The following MAP9 variants were observed in gnomAD, a reference collection of about 807,000 sequenced individuals.
The protein encoded by MAP9 is microtubule associated protein 9, also known as microtubule-associated protein 9.
In MAP9, 80 loss-of-function variants were observed where a neutral mutation model predicts 75.2. The ratio of observed to expected loss-of-function variants is 1.06; its 90% CI spans 0.89 to 1.28. The LOEUF (loss-of-function observed/expected upper bound fraction) is 1.28. MAP9 is among the 50% of genes most tolerant of loss of function. The probability of loss-of-function intolerance (pLI) is 0.00; values close to 1 mark genes in which losing one functional copy is unlikely to be tolerated. For synonymous variants in MAP9, 235 were observed against 237.3 expected, an observed-to-expected ratio of 0.99 and a Z score of 0.09; for missense variants, 753 against 719.9, an observed-to-expected ratio of 1.05 and a Z score of -0.53.
chr4:155,353,439 T>C, intron 10 of MAP9, 99 bp from the exon 11 acceptor site: 2 of 960,220 alleles, frequency 2.1e-6, no homozygotes, highest in Non-Finnish European at 2.6e-6. Flanking sequence ...CATTTATCTT[T>C]AGTCCTCTGA....
chr4:155,360,027 C>T (rs1731996751), intron 7 of MAP9, 141 bp downstream of exon 7: 1 of 746,500 alleles, frequency 1.3e-6, no homozygotes, highest in South Asian at 2.1e-5. Flanking sequence ...AAGTAAGAAC[C>T]ATGTGACAAT....
At chr4:155,374,062 CG>C (rs1375223425) in intron 3 of MAP9, among the ~76,000 whole-genome samples, 28 of 152,162 alleles carry the variant, frequency 1.8e-4, no homozygotes, top group Admixed American at 1.5e-3. Flanking sequence ...AACACCAGGC[CG>C]GGTGCGGTGG....
In MAP9 at chr4:155,356,127, C is replaced by T. The variant is rs550994147; in HGVS notation, c.1122-243G>A. On this transcript the variant is annotated intron_variant, in intron 8 of 13. Coordinates refer to ENST00000311277, the MANE Select transcript of MAP9 (RefSeq NM_001039580.2). Reference sequence around the variant, plus strand: ...ACCAAAAATACAAAAAATTAGCTGGCGTGGTGGCACATGCCTGTAGTCATA... The same window carrying T: ...ACCAAAAATACAAAAAATTAGCTGGTGTGGTGGCACATGCCTGTAGTCATA... Among the ~76,000 whole-genome samples, 7 of 152,040 alleles carry T rather than the reference C, an allele frequency of 4.6e-5. No individual in the cohort carries two copies. The South Asian group carries it at 8.3e-4, about 18-fold the overall frequency.
intron 2 of MAP9, among the ~76,000 whole-genome samples, chr4:155,375,299 G>C (rs1410911975): frequency 6.6e-6 from 1 of 152,146 alleles, no homozygotes; most frequent in Non-Finnish European, 1.5e-5. Context: ...GTTATAATTA[G>C]AGCTGGAGGG....
Position 155,353,045 on chromosome 4 carries a change from A to AT in MAP9, c.1554dup (p.Trp519MetfsTer10). 6.5e-7 allele frequency: 1 copy of AT among 1,530,128 alleles called. No homozygotes were observed. The highest frequency in any genetic ancestry group is 1.3e-5 in the South Asian group (1 of 77,700). The allele number at this position is 1,530,128 out of a possible 1,614,324, so 94.8% of individuals were successfully genotyped here. On this transcript the variant is annotated frameshift_variant, in exon 12 of 14. Transcript: ENST00000311277. LOFTEE classifies it high-confidence loss of function. ...AGATATTCCATCTTTTTCTCTTTCC[A>AT]TTTTTCAAAAGCCTGAAAAAGTTCA...
At chr4:155,352,574 T>C (rs775340324) in intron 13 of MAP9, 22 bp downstream of exon 13, 4 of 1,567,768 alleles carry the variant, frequency 2.6e-6, no homozygotes, top group Non-Finnish European at 3.5e-6. Context: ...AAGACGAAAG[T>C]GCATTGACAA....
chr4:155,357,362 A>T, intron 8 of MAP9, 87 bp downstream of exon 8: 2 of 875,648 alleles, frequency 2.3e-6, no homozygotes, highest in Non-Finnish European at 3.8e-6. Context: ...AGTAACACCA[A>T]ATGAAATTTA....
chr4:155,355,080 T>C lies in MAP9; in HGVS notation c.1371A>G (p.Gln457=), dbSNP rs1484026529. 1 of 1,384,492 alleles carries C rather than the reference T, an allele frequency of 7.2e-7. No homozygotes were observed. The highest frequency in any genetic ancestry group is 1.4e-5 in the South Asian group (1 of 73,652). The allele number at this position is 1,384,492 out of a possible 1,614,324, so 85.8% of individuals were successfully genotyped here. Residue 457 remains glutamine, a synonymous_variant, in exon 10 of 14, where the codon CAA becomes CAG. Transcript: ENST00000311277. ...KRIESENLRI[Q]NEQKKAAKRE... is the part of the protein sequence containing the mutation. ...CTATATGTCAGAATACCTGTTCATT[T>C]TGGATCCTTAAGTTTTCACTTTCAA...
chr4:155,347,557 T>C lies in MAP9; in HGVS notation c.*226A>G, dbSNP rs974934955. On this transcript the variant is annotated 3_prime_UTR_variant, in exon 14 of 14. Transcript: ENST00000311277. ...CATGATAAAATCTTATGTATCTTAA[T>C]GGTAAAAACAATCTGATTATTAGGT... 5.0e-6 allele frequency: 2 copies of C among 398,474 alleles called. No individual in the cohort carries two copies. Among genetic ancestry groups the C allele is most frequent in the Non-Finnish European group, 8.9e-6 (2 of 225,350 alleles). The allele number at this position is 398,474 out of a possible 1,614,324, so 24.7% of individuals were successfully genotyped here. A position where few individuals can be genotyped will look rare whatever the true frequency, so the allele number is the denominator to read the frequency against.
intron 5 of MAP9, chr4:155,363,346 A>G (rs1461059710): frequency 6.6e-6 from 1 of 152,164 alleles, no homozygotes; most frequent in African/African-American, 2.4e-5. Flanking sequence ...AATATCATTC[A>G]GAACACCCGG....
chr4:155,358,720 A>G lies in MAP9; in HGVS notation c.1051-1201T>C, dbSNP rs113695913. Among the ~76,000 whole-genome samples, 194 of 152,214 alleles carry G rather than the reference A, an allele frequency of 1.3e-3. 2 individuals carry two copies. Among genetic ancestry groups the G allele is most frequent in the African/African-American group, 4.5e-3 (189 of 41,560 alleles). ...TAATAATAATGTTCCCCTCAACAAC[A>G]ACAACAAAAAACAAATAACCCCACT... On this transcript the variant is annotated intron_variant, in intron 7 of 13. Transcript: ENST00000311277.
intron 8 of MAP9, 154 bp downstream of exon 8, chr4:155,357,295 G>T (rs1731836540): frequency 3.2e-6 from 2 of 624,780 alleles, no homozygotes; most frequent in East Asian, 5.6e-5. Context: ...CAACCAAGGG[G>T]TTTTATCATG....
At chr4:155,351,290 T>G (rs947691996) in intron 13 of MAP9, 1 of 151,884 alleles carries the variant, frequency 6.6e-6, no homozygotes, top group Non-Finnish European at 1.5e-5. Flanking sequence ...AAAACTAAAG[T>G]TGAAATCATA....
At chr4:155,365,443 T>C (rs1165295675) in intron 5 of MAP9, among the ~76,000 whole-genome samples, 1 of 151,952 alleles carries the variant, frequency 6.6e-6, no homozygotes, top group Non-Finnish European at 1.5e-5. Context: ...TGGTAACGGG[T>C]AAACAAATTG....
chr4:155,372,301 G>A (rs1275540178), intron 4 of MAP9, among the ~76,000 whole-genome samples: 1 of 152,148 alleles, frequency 6.6e-6, no homozygotes, highest in Non-Finnish European at 1.5e-5. Flanking sequence ...TGTATTTACT[G>A]ATGATATGCA....
chr4:155,350,427 C>T (rs1237894713), intron 13 of MAP9, among the ~76,000 whole-genome samples: 1 of 151,832 alleles, frequency 6.6e-6, no homozygotes, highest in Admixed American at 6.6e-5. Flanking sequence ...TAATTAAGTG[C>T]TATAATTAAA....
At chr4:155,355,574 CAT>C in intron 9 of MAP9, 140 bp downstream of exon 9, 1 of 571,216 alleles carries the variant, frequency 1.8e-6, no homozygotes, top group Non-Finnish European at 2.8e-6. Flanking sequence ...TATGATTACT[CAT>C]GTATTAAAAG....
At chr4:155,372,828 G>A (rs1244359698) in intron 4 of MAP9, among the ~76,000 whole-genome samples, 1 of 152,170 alleles carries the variant, frequency 6.6e-6, no homozygotes, top group East Asian at 1.9e-4. Flanking sequence ...CACAGGTCTA[G>A]GTGTCTGGAG....
intron 10 of MAP9, chr4:155,354,062 G>T (rs1731648503): frequency 6.6e-6 from 1 of 152,130 alleles, no homozygotes; most frequent in Non-Finnish European, 1.5e-5. Context: ...AATGAGAAGG[G>T]GTATGGCACT....
Sources: gnomAD v4.1 joint callset for allele counts (sites outside exome capture counted in the v4.1 genomes callset) on GRCh38, gnomAD v4.1.1 for gene constraint, MANE v1.5 for transcripts, NCBI Gene and HGNC (gene_info 2026-07-23, HGNC 2026-07-21) for gene names.